Variants in CDKL5 observed in about 807,000 individuals in gnomAD.
CDKL5 encodes the protein cyclin dependent kinase like 5, also known as cyclin-dependent kinase-like 5.
Under a neutral mutation model 61.7 loss-of-function variants are expected in CDKL5, and 8 were observed. The ratio of observed to expected loss-of-function variants is 0.13; its 90% CI spans 0.08 to 0.23. The LOEUF is 0.23. Among genes scored for constraint, CDKL5 ranks in the 10% least tolerant of loss-of-function variants. The pLI is 1.00. For missense variants in CDKL5, 440 were observed against 734.5 expected (o/e 0.60, Z 4.63); for synonymous variants, 275 against 272.3 (o/e 1.01, Z -0.10).
At chrX:18,505,748 TTTAA>T (rs772207172) in intron 1 of CDKL5, among the ~76,000 whole-genome samples, 46 of 112,524 alleles carry the variant, frequency 4.1e-4, no homozygotes, top group South Asian at 1.5e-3. Flanking sequence ...AACTTGATCA[TTTAA>T]TTAAGGTGGT....
At chrX:18,439,061 C>G (rs1282646722) in intron 1 of CDKL5, among the ~76,000 whole-genome samples, 5 of 84,678 alleles carry the variant, frequency 5.9e-5, no homozygotes, top group Non-Finnish European at 9.2e-5. Context: ...CCCCCCGCCC[C>G]CCACCATTTC....
intron 3 of CDKL5, among the ~76,000 whole-genome samples, chrX:18,561,036 G>A (rs1924788489): frequency 1.8e-5 from 2 of 109,417 alleles, no homozygotes; most frequent in Admixed American, 1.9e-4. Context: ...CTTCTTTTTA[G>A]ACCCTTAATT....
rs750134862 is a variant in CDKL5 at position 18,536,782 on chromosome X, C to T, written c.99+25928C>T. Among the ~76,000 whole-genome samples the T allele has an allele frequency of 2.7e-5, 3 of 110,661 alleles. No homozygotes were observed. The South Asian group carries it at 1.2e-3, about 43-fold the overall frequency. On this transcript the variant is annotated intron_variant, in intron 3 of 17. Transcript: ENST00000623535. ...TTAAGAAAGCAACCTGTGTGTCTCC[C>T]TCCTGAGAGCTTCTGGCTGCACCGA... is the stretch of plus-strand genomic sequence containing the variant.
intron 17 of CDKL5, chrX:18,626,989 A>G (rs749222399): frequency 1.8e-5 from 2 of 109,839 alleles, no homozygotes; most frequent in African/African-American, 3.3e-5. Context: ...ATAACTTTAT[A>G]GCTCTTGCTG....
At position 18,630,784 on chromosome X, in the gene CDKL5, T is replaced by C. The variant is rs775309620; in HGVS notation, c.*2027T>C. The C allele has an allele frequency of 1.4e-4, 108 of 749,188 alleles. 1 individual carries two copies. The African/African-American group carries it at 2.5e-3, about 17-fold the overall frequency. The allele number at this position is 749,188 out of a possible 1,213,427, so 61.7% of individuals were successfully genotyped here. A position where few individuals can be genotyped will look rare whatever the true frequency, so the allele number is the denominator to read the frequency against. The stretch of plus-strand genomic sequence containing the variant: ...TAGTTTTGCATGCTCTTTAGTTCTT[T>C]TTCTGTCTTACTTCTTTCACCAGTT... On this transcript the variant is annotated 3_prime_UTR_variant, in exon 18 of 18. Transcript: ENST00000623535.
chrX:18,519,821 A>G (rs1275638657), intron 3 of CDKL5, among the ~76,000 whole-genome samples: 1 of 112,433 alleles, frequency 8.9e-6, no homozygotes, highest in Non-Finnish European at 1.9e-5. Context: ...GGAGAAAAAT[A>G]TGTGAGATTC....
At chrX:18,456,992 A>G (rs757219217) in intron 1 of CDKL5, among the ~76,000 whole-genome samples, 2 of 110,283 alleles carry the variant, frequency 1.8e-5, no homozygotes, top group African/African-American at 6.6e-5. Flanking sequence ...TCTTTGCACT[A>G]TAGTTACATA....
At position 18,578,964 on chromosome X, in the gene CDKL5, A is replaced by G. The variant is rs187889463; in HGVS notation, c.283-884A>G. 7.7e-3 allele frequency among the ~76,000 whole-genome samples: 867 copies of G among 112,058 alleles called. 7 individuals carry two copies. The highest frequency in any genetic ancestry group is 0.012 in the Non-Finnish European group (658 of 53,177). ...ATGCTGAGGTGCCAGCAGTTTACCC[A>G]TTGTTGCTTTGTACCATTAGTGTAA... On this transcript the variant is annotated intron_variant, in intron 5 of 17. Coordinates refer to ENST00000623535, the MANE Select transcript of CDKL5 (RefSeq NM_001323289.2).
intron 3 of CDKL5, among the ~76,000 whole-genome samples, chrX:18,525,443 C>T (rs1923400325): frequency 9.0e-6 from 1 of 111,332 alleles, no homozygotes; most frequent in African/African-American, 3.3e-5. Context: ...CTATGTTGAC[C>T]AGGCTGGCTC....
intron 13 of CDKL5, 67 bp downstream of exon 13, chrX:18,608,979 T>A: frequency 1.4e-6 from 1 of 728,446 alleles, no homozygotes; most frequent in South Asian, 2.2e-5. Context: ...TTTTAAAATG[T>A]ATTAATACCC....
In CDKL5 at chrX:18,633,389, G is replaced by C. The variant is rs906194687; in HGVS notation, c.*4632G>C. On this transcript the variant is annotated 3_prime_UTR_variant, in exon 18 of 18. Coordinates refer to ENST00000623535, the MANE Select transcript of CDKL5 (RefSeq NM_001323289.2). ...ACATAGAAAAGACAGTACAAAGGTT[G>C]TAAGTGTCCTGTCGCTAATTCCCAG... 7.3e-5 allele frequency: 55 copies of C among 751,814 alleles called. No homozygotes were observed. The highest frequency in any genetic ancestry group is 8.6e-5 in the Non-Finnish European group (55 of 637,956). 62.0% of individuals were successfully genotyped at this position (751,814 alleles called of 1,213,427 possible).
chrX:18,474,986 G>C (rs1921250491), intron 1 of CDKL5, among the ~76,000 whole-genome samples: 2 of 107,106 alleles, frequency 1.9e-5, no homozygotes, highest in South Asian at 8.1e-4. Flanking sequence ...TGAGACAGAG[G>C]CTCACTCTGT....
At chrX:18,483,446 C>CT (rs1921662540) in intron 1 of CDKL5, among the ~76,000 whole-genome samples, 1 of 109,883 alleles carries the variant, frequency 9.1e-6, no homozygotes, top group Non-Finnish European at 1.9e-5. Flanking sequence ...GAGATGGAGT[C>CT]TCGCTCTGTT....
chrX:18,638,242 T>C lies in CDKL5; in HGVS notation c.*9485T>C, dbSNP rs1394113994. The C allele has an allele frequency of 1.8e-5, 2 of 112,314 alleles. No homozygotes were observed. Among genetic ancestry groups the C allele is most frequent in the Non-Finnish European group, 3.8e-5 (2 of 53,312 alleles). The allele number at this position is 112,314 out of a possible 1,213,427, so 9.3% of individuals were successfully genotyped here. A position where few individuals can be genotyped will look rare whatever the true frequency, so the allele number is the denominator to read the frequency against. On this transcript the variant is annotated 3_prime_UTR_variant, in exon 18 of 18. Transcript: ENST00000623535. ...TACCCGAATCAGCTCAGATTTTTTT[T>C]CCTTAATATTGGCAACACTTAATGC...
intron 8 of CDKL5, among the ~76,000 whole-genome samples, chrX:18,586,355 A>C (rs997967853): frequency 9.8e-5 from 11 of 111,765 alleles, no homozygotes; most frequent in Admixed American, 8.6e-4. Context: ...GATCATTCTT[A>C]GAACCCCATC....
intron 17 of CDKL5, among the ~76,000 whole-genome samples, chrX:18,628,105 G>A (rs1026004976): frequency 7.1e-5 from 8 of 112,048 alleles, no homozygotes; most frequent in Non-Finnish European, 1.5e-4. Context: ...GAGATAGGAT[G>A]CAACCAGGTA....
chrX:18,620,898 C>T (rs1284477687), intron 16 of CDKL5, among the ~76,000 whole-genome samples: 1 of 110,444 alleles, frequency 9.1e-6, no homozygotes, highest in Non-Finnish European at 1.9e-5. Context: ...GCCATCACAC[C>T]CAGCTAATTT....
chrX:18,586,520 G>A (rs747285979), intron 8 of CDKL5, among the ~76,000 whole-genome samples: 2 of 111,921 alleles, frequency 1.8e-5, no homozygotes, highest in Admixed American at 1.9e-4. Flanking sequence ...TATGTTTAGA[G>A]ATGTGTGCTA....
At chrX:18,579,645 G>T (rs1234199468) in intron 5 of CDKL5, among the ~76,000 whole-genome samples, 2 of 110,523 alleles carry the variant, frequency 1.8e-5, no homozygotes, top group Middle Eastern at 4.3e-3. Flanking sequence ...TAGCATTAGG[G>T]AATAGTAAAA....
Sources: allele counts gnomAD v4.1 joint callset (sites outside exome capture counted in the v4.1 genomes callset), GRCh38; gene constraint gnomAD v4.1.1; transcripts MANE v1.5; gene names NCBI Gene and HGNC (gene_info 2026-07-23, HGNC 2026-07-21).